AMOTL1: variants seen among roughly 807,000 people sequenced by gnomAD.
AMOTL1 encodes angiomotin like 1.
Under a neutral mutation model 102.9 loss-of-function variants are expected in AMOTL1, and 45 were observed. The observed-to-expected ratio is 0.44, with a 90% CI of 0.34 to 0.56. The LOEUF is 0.56. Ranked by LOEUF, AMOTL1 falls within the 20% of genes least tolerant of loss-of-function variation. AMOTL1 has a pLI of 0.01. For synonymous variants in AMOTL1, 481 were observed against 484.7 expected, an observed-to-expected ratio of 0.99 and a Z score of 0.10; for missense variants, 1,114 against 1,225.6, an observed-to-expected ratio of 0.91 and a Z score of 1.36.
rs142561102 is a variant in AMOTL1, at chr11:94,800,765, C to T, written c.1121+454C>T. Among the ~76,000 whole-genome samples, 6 of 152,342 alleles carry T rather than the reference C, an allele frequency of 3.9e-5. No homozygotes were observed. The East Asian group carries it at 1.2e-3, about 29-fold the overall frequency. On this transcript the variant is annotated intron_variant, in intron 3 of 12. Coordinates refer to ENST00000433060, the MANE Select transcript of AMOTL1 (RefSeq NM_130847.3). ...GTAGAAATCACATAGTCCCATCCCT[C>T]ACTCAACAGATGAGAAACTAAAGCC...
chr11:94,832,972 T>C (rs552591339), intron 6 of AMOTL1, among the ~76,000 whole-genome samples: 1 of 152,332 alleles, frequency 6.6e-6, no homozygotes, highest in East Asian at 1.9e-4. Flanking sequence ...TGTGGAATAA[T>C]GGAGTAATAG....
chr11:94,768,269 G>T (rs1334048563), upstream of AMOTL1: 34 of 1,219,132 alleles, frequency 2.8e-5, no homozygotes, highest in Admixed American at 4.6e-5. Flanking sequence ...GCGCCACGGC[G>T]GGGGTGGAGT....
intron 8 of AMOTL1, among the ~76,000 whole-genome samples, chr11:94,857,933 A>G (rs756499331): frequency 6.6e-6 from 1 of 152,148 alleles, no homozygotes; most frequent in Non-Finnish European, 1.5e-5. Flanking sequence ...ACACTTACCC[A>G]TTAGACCATG....
Position 94,873,193 on chromosome 11 carries a change from C to T in AMOTL1, c.*2398C>T, listed in dbSNP as rs1953034971. On this transcript the variant is annotated 3_prime_UTR_variant, in exon 13 of 13. Transcript: ENST00000433060. ...TGCTCTTCGAGGTCCCCCTGAGCTG[C>T]CAAGTGTTTTCATTGTAAACAGACA... The T allele has an allele frequency of 6.6e-6, 1 of 152,156 alleles. No homozygotes were observed. Among genetic ancestry groups the T allele is most frequent in the South Asian group, 2.1e-4 (1 of 4,822 alleles). The allele number at this position is 152,156 out of a possible 1,614,324, so 9.4% of individuals were successfully genotyped here.
In AMOTL1 at chr11:94,872,496, T is replaced by C. The variant is rs193054190; in HGVS notation, c.*1701T>C. ...CTAAAATGGACTGGTCTTGGGTGTGTAACCCCGGTGAAGTTATAGCCTCCC... is the reference window on the plus strand; with the variant it reads ...CTAAAATGGACTGGTCTTGGGTGTGCAACCCCGGTGAAGTTATAGCCTCCC... On this transcript the variant is annotated 3_prime_UTR_variant, in exon 13 of 13. Transcript: ENST00000433060. 2.0e-5 allele frequency: 3 copies of C among 152,432 alleles called. No homozygotes were observed. The East Asian group carries it at 5.8e-4, about 29-fold the overall frequency. The allele number at this position is 152,432 out of a possible 1,614,324, so 9.4% of individuals were successfully genotyped here.
chr11:94,869,692 G>A (rs898585679), intron 12 of AMOTL1, among the ~76,000 whole-genome samples: 1 of 152,162 alleles, frequency 6.6e-6, no homozygotes, highest in Non-Finnish European at 1.5e-5. Context: ...ATGAGTGCAC[G>A]GCTTGAGACT....
intron 9 of AMOTL1, among the ~76,000 whole-genome samples, chr11:94,860,735 G>A (rs1444086427): frequency 2.0e-5 from 3 of 152,220 alleles, no homozygotes; most frequent in Admixed American, 1.3e-4. Context: ...TTTCAAAGGA[G>A]CACCCAGAAA....
chr11:94,831,390 T>C, intron 5 of AMOTL1, 62 bp from the exon 6 acceptor site: 27 of 1,364,780 alleles, frequency 2.0e-5, no homozygotes, highest in Non-Finnish European at 2.8e-5. Context: ...TTTCATTTCT[T>C]GGTTAGATGA....
intron 3 of AMOTL1, among the ~76,000 whole-genome samples, chr11:94,757,055 G>A (rs891581485): frequency 6.6e-6 from 1 of 151,538 alleles, no homozygotes; most frequent in Non-Finnish European, 1.5e-5. Context: ...TTGTTGGGGT[G>A]GGGGGATGGG....
chr11:94,847,173 C>A (rs117634088), intron 6 of AMOTL1, among the ~76,000 whole-genome samples: 564 of 152,290 alleles, frequency 3.7e-3, no homozygotes, highest in Non-Finnish European at 5.6e-3. Context: ...GTCTCCACAT[C>A]TTTGTCTGTA....
intron 1 of AMOTL1, among the ~76,000 whole-genome samples, chr11:94,789,446 A>G (rs1042032855): frequency 2.0e-5 from 3 of 152,204 alleles, no homozygotes; most frequent in African/African-American, 7.2e-5. Context: ...GGCTTGAGCC[A>G]CCGTGCCCGG....
At chr11:94,854,196 C>T in intron 8 of AMOTL1, 114 bp downstream of exon 8, 11 of 1,319,348 alleles carry the variant, frequency 8.3e-6, no homozygotes, top group South Asian at 1.6e-5. Context: ...CAGAGGGAAA[C>T]AAGAACTCCC....
At chr11:94,733,874 T>C (rs1950394475) in intron 2 of AMOTL1, among the ~76,000 whole-genome samples, 1 of 152,182 alleles carries the variant, frequency 6.6e-6, no homozygotes, top group South Asian at 2.1e-4. Flanking sequence ...TTCTGACTCA[T>C]GTCCAAGTAC....
chr11:94,831,582 T>C, intron 6 of AMOTL1, 41 bp downstream of exon 6: 1 of 1,535,692 alleles, frequency 6.5e-7, no homozygotes. Context: ...TTTGTTTGTT[T>C]AAAAACGGGG....
intron 1 of AMOTL1, among the ~76,000 whole-genome samples, chr11:94,721,173 A>G (rs1407040488): frequency 6.6e-6 from 1 of 152,116 alleles, no homozygotes; most frequent in African/African-American, 2.4e-5. Context: ...TACCATGTGT[A>G]GCTATTGAGC....
chr11:94,794,276 C>T (rs1310933751), intron 1 of AMOTL1, among the ~76,000 whole-genome samples: 1 of 152,196 alleles, frequency 6.6e-6, no homozygotes, highest in Non-Finnish European at 1.5e-5. Context: ...ACAGCCTGGG[C>T]CCGTCCTGCT....
chr11:94,714,137 T>C (rs1054273807), intron 1 of AMOTL1, among the ~76,000 whole-genome samples: 13 of 152,074 alleles, frequency 8.5e-5, no homozygotes, highest in African/African-American at 2.4e-4. Flanking sequence ...CAATGATCAG[T>C]ATGATCATGT....
intron 2 of AMOTL1, among the ~76,000 whole-genome samples, chr11:94,731,165 C>T (rs750495764): frequency 4.4e-4 from 67 of 152,122 alleles, no homozygotes; most frequent in African/African-American, 1.4e-3. Context: ...GGGTAAGTGA[C>T]GAGCTTCTGG....
intron 6 of AMOTL1, among the ~76,000 whole-genome samples, chr11:94,839,235 G>C (rs973032313): frequency 1.3e-5 from 2 of 152,240 alleles, no homozygotes; most frequent in African/African-American, 4.8e-5. Flanking sequence ...GCCTGGTTCA[G>C]GCCAGACCGG....
Sources: allele counts gnomAD v4.1 joint callset (sites outside exome capture counted in the v4.1 genomes callset), GRCh38; gene constraint gnomAD v4.1.1; transcripts MANE v1.5; gene names NCBI Gene and HGNC (gene_info 2026-07-23, HGNC 2026-07-21).